The following ZNF442 variants were observed in gnomAD, a reference collection of about 807,000 sequenced individuals.
ZNF442 encodes the protein zinc finger protein 442.
Under a neutral mutation model 57.0 loss-of-function variants are expected in ZNF442, and 45 were observed. That is an observed-to-expected ratio of 0.79 (90% CI 0.62 to 1.01). ZNF442 has a LOEUF of 1.01. Ranked by LOEUF, ZNF442 falls within the 50% of genes least tolerant of loss-of-function variation. The pLI is 0.00. For synonymous variants in ZNF442, 213 were observed against 241.8 expected (o/e 0.88, Z 1.10); for missense variants, 690 against 756.5 (o/e 0.91, Z 1.03).
chr19:12,352,904 G>T lies in ZNF442; in HGVS notation c.205+84C>A, dbSNP rs528568839. 2.6e-6 allele frequency: 4 copies of T among 1,510,608 alleles called. No homozygotes were observed. The Admixed American group carries it at 8.5e-5, about 32-fold the overall frequency. The allele number at this position is 1,510,608 out of a possible 1,614,324, so 93.6% of individuals were successfully genotyped here. ...TGAAGGGTCAACTATATCCCCTTTC[G>T]GTATTTCAAATCATTCAACAGCATT... On this transcript the variant is annotated intron_variant, in intron 4 of 5. Transcript: ENST00000242804.
At chr19:12,364,407 C>CA (rs35227073) in intron 2 of ZNF442, among the ~76,000 whole-genome samples, 2,082 of 92,992 alleles carry the variant, frequency 0.022, 27 homozygotes, top group South Asian at 0.027. Flanking sequence ...AACTCCATCT[C>CA]AAAAAAAAAA....
At chr19:12,365,438 C>CG in intron 1 of ZNF442, 95 bp downstream of exon 1, 1 of 313,644 alleles carries the variant, frequency 3.2e-6, no homozygotes. Flanking sequence ...ACCCCGCAGT[C>CG]GCCGCGGGGA....
At chr19:12,362,317 C>T (rs994793423) in intron 3 of ZNF442, among the ~76,000 whole-genome samples, 2 of 151,780 alleles carry the variant, frequency 1.3e-5, no homozygotes, top group East Asian at 1.9e-4. Flanking sequence ...ATGTGGGGAG[C>T]GCCTCTGCCC....
rs1568484747 is a variant in ZNF442, at chr19:12,349,816, T to A, written c.1769A>T (p.His590Leu). The A allele has an allele frequency of 6.2e-7, 1 of 1,614,178 alleles. No homozygotes were observed. The highest frequency in any genetic ancestry group is 1.6e-4 in the Middle Eastern group (1 of 6,062). Residue 590 changes from histidine to leucine, a missense_variant, in exon 6 of 6, where the codon CAT becomes CTT. Physicochemically the swap from His to Leu is moderately conservative, Grantham distance 99. Transcript: ENST00000242804. ...CTTCTCTCCAGTGTGAGTTTTTTCA[T>A]GTCCTCGAAGGAAACGAGAACGAGT... ...AFTRSRFLRG[H>L]EKTHTGEKMH...
At chr19:12,360,919 C>T (rs567444638) in intron 3 of ZNF442, among the ~76,000 whole-genome samples, 12 of 152,010 alleles carry the variant, frequency 7.9e-5, no homozygotes, top group African/African-American at 1.7e-4. Flanking sequence ...AGGCTGGGAG[C>T]GGTGGCTCAA....
At position 12,349,771 on chromosome 19, in the gene ZNF442, C is replaced by T. The variant is rs758969801; in HGVS notation, c.1814G>A (p.Cys605Tyr). 28 of 1,614,078 alleles carry T rather than the reference C, an allele frequency of 1.7e-5. No homozygotes were observed. The highest frequency in any genetic ancestry group is 2.2e-5 in the Non-Finnish European group (26 of 1,180,032). ...ACTGAGAGAACTCAGTGCCTTCCCA[C>T]ATTCCTTACATTCATGCATCTTCTC... ...TGEKMHECKECGKALSSLSSL... is the reference protein window; with the variant it reads ...TGEKMHECKEYGKALSSLSSL... Residue 605 changes from cysteine (C) to tyrosine (Y), a missense_variant, in exon 6 of 6, where the codon TGT (cysteine) becomes TAT (tyrosine). By Grantham distance (194) the Cys-to-Tyr change is radical. Transcript: ENST00000242804.
chr19:12,369,163 G>T (rs961989379), upstream of ZNF442, among the ~76,000 whole-genome samples: 4 of 152,066 alleles, frequency 2.6e-5, no homozygotes, highest in African/African-American at 9.7e-5. Context: ...AAGGAGAAGG[G>T]GTCAGAGTCA....
chr19:12,367,677 A>T (rs141160333), upstream of ZNF442, among the ~76,000 whole-genome samples: 550 of 150,152 alleles, frequency 3.7e-3, 2 homozygotes, highest in Non-Finnish European at 4.9e-3. Context: ...TATTATATAT[A>T]TTTTTTTGAG....
Position 12,349,669 on chromosome 19 carries a change from A to G in ZNF442, c.*32T>C. 1 of 1,554,534 alleles carries G rather than the reference A, an allele frequency of 6.4e-7. No homozygotes were observed. The highest frequency in any genetic ancestry group is 2.0e-5 in the Admixed American group (1 of 49,300). On this transcript the variant is annotated 3_prime_UTR_variant, in exon 6 of 6. Coordinates refer to ENST00000242804, the MANE Select transcript of ZNF442 (RefSeq NM_030824.3). ...ATGTGATTTCTTTCACGTTTCTGAA[A>G]TGAAATAAAATTAATGAATGCTTTT...
In ZNF442 at chr19:12,352,888, A is replaced by C. The variant is rs1300504210; in HGVS notation, c.205+100T>G. 12 of 1,419,346 alleles carry C rather than the reference A, an allele frequency of 8.5e-6. No homozygotes were observed. The African/African-American group carries it at 1.8e-4, about 21-fold the overall frequency. The allele number at this position is 1,419,346 out of a possible 1,614,324, so 87.9% of individuals were successfully genotyped here. ...CTTAACCCTGTGTTGTTGAAGGGTCAACTATATCCCCTTTCGGTATTTCAA... is the reference window on the plus strand; with the variant it reads ...CTTAACCCTGTGTTGTTGAAGGGTCCACTATATCCCCTTTCGGTATTTCAA... On this transcript the variant is annotated intron_variant, in intron 4 of 5. Transcript: ENST00000242804.
Position 12,346,657 on chromosome 19 carries a change from CT to C in ZNF442, c.*3043del, listed in dbSNP as rs1568483590. 1 of 152,182 alleles carries C rather than the reference CT, an allele frequency of 6.6e-6. No homozygotes were observed. The highest frequency in any genetic ancestry group is 2.4e-5 in the African/African-American group (1 of 41,440). 9.4% of individuals were successfully genotyped at this position (152,182 alleles called of 1,614,324 possible). A position where few individuals can be genotyped will look rare whatever the true frequency, so the allele number is the denominator to read the frequency against. Reference sequence around the variant, plus strand: ...ATAGACATACCACATCCACAGCAGCCTTATTGATAGCAGTCAAATTATTACT... The same window carrying C: ...ATAGACATACCACATCCACAGCAGCCTATTGATAGCAGTCAAATTATTACT... On this transcript the variant is annotated 3_prime_UTR_variant, in exon 6 of 6. Coordinates refer to ENST00000242804, the MANE Select transcript of ZNF442 (RefSeq NM_030824.3).
At chr19:12,367,992 G>A (rs1445574125), upstream of ZNF442, among the ~76,000 whole-genome samples, 1 of 152,106 alleles carries the variant, frequency 6.6e-6, no homozygotes, top group African/African-American at 2.4e-5. Context: ...AATATTCCTT[G>A]CTGGGAAAAG....
chr19:12,349,970 T>C lies in ZNF442; in HGVS notation c.1615A>G (p.Thr539Ala). ...TTACATTCATATGGCTTCTCTCCAG[T>C]GTGAATCCTTTCATGGACTTTTAAG... ...GNLKVHERIH[T>A]GEKPYECKEC... Residue 539 changes from threonine to alanine, a missense_variant, in exon 6 of 6, where the codon ACT becomes GCT. Physicochemically the swap from Thr to Ala is moderately conservative, Grantham distance 58 (BLOSUM62 0). Transcript: ENST00000242804. The C allele has an allele frequency of 6.2e-7, 1 of 1,614,232 alleles. No individual in the cohort carries two copies. Among genetic ancestry groups the C allele is most frequent in the Non-Finnish European group, 8.5e-7 (1 of 1,180,022 alleles).
At chr19:12,362,255 C>T (rs1969443449) in intron 3 of ZNF442, among the ~76,000 whole-genome samples, 1 of 151,860 alleles carries the variant, frequency 6.6e-6, no homozygotes, top group Non-Finnish European at 1.5e-5. Flanking sequence ...TCCTGGCCGT[C>T]ATCCCGTCTA....
chr19:12,353,226 A>G (rs1380229190), intron 3 of ZNF442, 112 bp from the exon 4 acceptor site: 1 of 1,165,552 alleles, frequency 8.6e-7, no homozygotes. Context: ...ATTCAATGAC[A>G]TGGTAAATCC....
chr19:12,367,738 G>A (rs896843837), upstream of ZNF442, among the ~76,000 whole-genome samples: 12 of 151,992 alleles, frequency 7.9e-5, no homozygotes, highest in South Asian at 2.1e-4. Context: ...GCACAATCTC[G>A]GCTCACTGCA....
intron 2 of ZNF442, among the ~76,000 whole-genome samples, chr19:12,364,418 A>AAAAAAAAAAAAG (rs1555756631): frequency 1.8e-4 from 27 of 151,838 alleles, no homozygotes; most frequent in African/African-American, 6.5e-4. Flanking sequence ...AAAAAAAAAA[A>AAAAAAAAAAAAG]AAAGAAAGAA....
chr19:12,362,411 C>T (rs1365639561), intron 3 of ZNF442, among the ~76,000 whole-genome samples: 1 of 152,040 alleles, frequency 6.6e-6, no homozygotes, highest in Non-Finnish European at 1.5e-5. Flanking sequence ...GCCCGACCGC[C>T]ACCCCGTCTG....
chr19:12,373,646 G>A, the ZNF442 span: 1 of 302,890 alleles, frequency 3.3e-6, no homozygotes, highest in Non-Finnish European at 6.8e-6. Flanking sequence ...AACCAGCATG[G>A]TCTGATCCGG....
Sources: gnomAD v4.1 joint callset for allele counts (sites outside exome capture counted in the v4.1 genomes callset) on GRCh38, gnomAD v4.1.1 for gene constraint, MANE v1.5 for transcripts, NCBI Gene and HGNC (gene_info 2026-07-23, HGNC 2026-07-21) for gene names.